Variants in BMPR1B observed in about 807,000 individuals in gnomAD.
The protein encoded by BMPR1B is bone morphogenetic protein receptor type-1B.
Under a neutral mutation model 59.1 loss-of-function variants are expected in BMPR1B, and 12 were observed. The ratio of observed to expected loss-of-function variants is 0.20; its 90% confidence interval spans 0.13 to 0.33. The LOEUF is 0.33. BMPR1B is among the 10% of genes least tolerant of loss of function. BMPR1B has a pLI of 1.00. For missense variants in BMPR1B, 550 were observed against 610.9 expected (o/e 0.90, Z 1.05); for synonymous variants, 237 against 207.3 (o/e 1.14, Z -1.23).
intron 3 of BMPR1B, among the ~76,000 whole-genome samples, chr4:95,103,823 G>GTGTC (rs1730991614): frequency 6.6e-6 from 1 of 152,156 alleles, no homozygotes; most frequent in African/African-American, 2.4e-5. Context: ...CTTTTGAAAT[G>GTGTC]TGTCTTGATA....
intron 3 of BMPR1B, among the ~76,000 whole-genome samples, chr4:95,051,154 T>G (rs1726470969): frequency 6.6e-6 from 1 of 152,224 alleles, no homozygotes; most frequent in South Asian, 2.1e-4. Flanking sequence ...TGACGTAGTG[T>G]GAGTAAACTA....
intron 6 of BMPR1B, among the ~76,000 whole-genome samples, chr4:95,120,041 C>T (rs1732360400): frequency 6.6e-6 from 1 of 152,068 alleles, no homozygotes; most frequent in Non-Finnish European, 1.5e-5. Flanking sequence ...CCCGTTAATC[C>T]ACAGTGTCTG....
intron 2 of BMPR1B, among the ~76,000 whole-genome samples, chr4:94,914,931 C>G (rs1169715241): frequency 1.3e-5 from 2 of 151,988 alleles, no homozygotes; most frequent in African/African-American, 4.8e-5. Context: ...AGTAGTAATA[C>G]CTTATATGAA....
At chr4:95,024,635 G>A (rs1724225457) in intron 3 of BMPR1B, among the ~76,000 whole-genome samples, 1 of 152,088 alleles carries the variant, frequency 6.6e-6, no homozygotes, top group Non-Finnish European at 1.5e-5. Flanking sequence ...CGACATTGTT[G>A]TGAACATGAC....
intron 2 of BMPR1B, among the ~76,000 whole-genome samples, chr4:94,946,483 G>A (rs1483906976): frequency 6.6e-6 from 1 of 152,138 alleles, no homozygotes; most frequent in East Asian, 1.9e-4. Context: ...CTGCTTTGGG[G>A]AAGGTCTTAT....
chr4:94,865,269 A>G (rs575696593), intron 1 of BMPR1B, among the ~76,000 whole-genome samples: 2 of 152,322 alleles, frequency 1.3e-5, no homozygotes, highest in African/African-American at 4.8e-5. Flanking sequence ...GGCCTCCCAA[A>G]TAATCTTCAA....
chr4:95,117,554 G>A (rs949559647), intron 6 of BMPR1B, among the ~76,000 whole-genome samples: 1 of 152,024 alleles, frequency 6.6e-6, no homozygotes, highest in African/African-American at 2.4e-5. Flanking sequence ...AGACCAAAGT[G>A]GGAAGATCGC....
intron 1 of BMPR1B, among the ~76,000 whole-genome samples, chr4:94,804,295 T>G (rs925265475): frequency 6.6e-6 from 1 of 152,188 alleles, no homozygotes; most frequent in African/African-American, 2.4e-5. Context: ...GAATAGGAAG[T>G]TTAAAATTAT....
chr4:94,997,031 G>T (rs897918778), intron 3 of BMPR1B, among the ~76,000 whole-genome samples: 1 of 152,066 alleles, frequency 6.6e-6, no homozygotes, highest in African/African-American at 2.4e-5. Context: ...ATATATACTT[G>T]TATGTTTATA....
rs983698427 is a variant in BMPR1B at position 95,134,920 on chromosome 4, A to T, written c.1076+3408A>T. Among the ~76,000 whole-genome samples the T allele has an allele frequency of 4.6e-5, 7 of 152,116 alleles. No homozygotes were observed. In the East Asian group the frequency reaches 5.8e-4, roughly 13 times the overall value. On this transcript the variant is annotated intron_variant, in intron 10 of 12. Transcript: ENST00000515059. ...GTTGCCATTGCTTTTGGTGTTTTAG[A>T]CATGAAGTCCTTGCCCATGCCTGTG...
chr4:95,024,826 G>A (rs1198616261), intron 3 of BMPR1B, among the ~76,000 whole-genome samples: 5 of 152,144 alleles, frequency 3.3e-5, no homozygotes. Flanking sequence ...TAAAAGGCTG[G>A]GTACATTGGC....
In BMPR1B at chr4:94,917,171, C is replaced by A. The variant is rs533632787; in HGVS notation, c.-113+41271C>A. Among the ~76,000 whole-genome samples the A allele has an allele frequency of 3.9e-5, 6 of 152,278 alleles. No individual in the cohort carries two copies. In the South Asian group the frequency reaches 1.2e-3, roughly 32 times the overall value. ...CAGAGGCCTGCTACAGGGGTGGAAC[C>A]CTTACAGAGAACCACTGTTAGGATG... On this transcript the variant is annotated intron_variant, in intron 2 of 12. Transcript: ENST00000515059.
At chr4:94,805,398 T>C (rs1451930195) in intron 1 of BMPR1B, among the ~76,000 whole-genome samples, 1 of 152,204 alleles carries the variant, frequency 6.6e-6, no homozygotes, top group Admixed American at 6.6e-5. Flanking sequence ...AAAATTTCAT[T>C]TGCTGAAAGG....
intron 3 of BMPR1B, among the ~76,000 whole-genome samples, chr4:95,074,289 T>G (rs1300256854): frequency 6.6e-6 from 1 of 152,142 alleles, no homozygotes; most frequent in Non-Finnish European, 1.5e-5. Context: ...TACTACTCTT[T>G]CCACAGCTTC....
intron 2 of BMPR1B, among the ~76,000 whole-genome samples, chr4:94,950,180 A>G (rs1246639015): frequency 6.6e-6 from 1 of 151,870 alleles, no homozygotes; most frequent in South Asian, 2.1e-4. Flanking sequence ...TAGATTCTGG[A>G]TATTAGCCGT....
chr4:94,928,618 A>C (rs932958956), intron 2 of BMPR1B, among the ~76,000 whole-genome samples: 1 of 151,744 alleles, frequency 6.6e-6, no homozygotes, highest in African/African-American at 2.4e-5. Flanking sequence ...ATAAGAAAAA[A>C]TATTATTGTT....
chr4:94,845,893 G>A (rs1725306490), intron 1 of BMPR1B, among the ~76,000 whole-genome samples: 1 of 152,070 alleles, frequency 6.6e-6, no homozygotes, highest in African/African-American at 2.4e-5. Flanking sequence ...GCCTATATAG[G>A]GAAGGAATTT....
chr4:94,922,735 C>G (rs1406634869), intron 2 of BMPR1B, among the ~76,000 whole-genome samples: 1 of 152,052 alleles, frequency 6.6e-6, no homozygotes, highest in Non-Finnish European at 1.5e-5. Flanking sequence ...CTCTGGGTAA[C>G]CACTTGCTGT....
At chr4:95,122,551 G>C (rs755076818) in intron 6 of BMPR1B, among the ~76,000 whole-genome samples, 2 of 152,100 alleles carry the variant, frequency 1.3e-5, no homozygotes, top group Non-Finnish European at 2.9e-5. Context: ...AATGTTCACA[G>C]TATTATAAAT....
Sources: gnomAD v4.1 joint callset for allele counts (sites outside exome capture counted in the v4.1 genomes callset) on GRCh38, gnomAD v4.1.1 for gene constraint, MANE v1.5 for transcripts, NCBI Gene and HGNC (gene_info 2026-07-23, HGNC 2026-07-21) for gene names.